Variants in NLRP5 observed in about 807,000 individuals in gnomAD.
NLRP5 encodes the protein NLR family pyrin domain containing 5, also known as NACHT, LRR and PYD domains-containing protein 5.
In NLRP5, 93 loss-of-function variants were observed where a neutral mutation model predicts 113.1. The observed-to-expected ratio is 0.82, with a 90% CI of 0.70 to 0.98. The LOEUF (loss-of-function observed/expected upper bound fraction) is 0.98, where lower values mean the gene tolerates loss of function less well. Ranked by LOEUF, NLRP5 falls within the 50% of genes least tolerant of loss-of-function variation. The pLI is 0.00. For missense variants in NLRP5, 1,808 were observed against 1,514.3 expected, an observed-to-expected ratio of 1.19 and a Z score of -3.22; for synonymous variants, 751 against 600.7, an observed-to-expected ratio of 1.25 and a Z score of -3.66.
intron 10 of NLRP5, among the ~76,000 whole-genome samples, chr19:56,038,738 G>A (rs905487994): frequency 6.6e-6 from 1 of 152,186 alleles, no homozygotes. Context: ...ACCCAGGCCT[G>A]TGTTGTTGTA....
chr19:56,052,872 C>T (rs1983982489), intron 12 of NLRP5, among the ~76,000 whole-genome samples: 1 of 152,222 alleles, frequency 6.6e-6, no homozygotes. Flanking sequence ...GTTTCTCCTC[C>T]TCCCCCGTGG....
At chr19:56,037,714 A>AAAAAATG (rs200215825) in intron 9 of NLRP5, among the ~76,000 whole-genome samples, 1 of 131,672 alleles carries the variant, frequency 7.6e-6, no homozygotes, top group Non-Finnish European at 1.6e-5. Context: ...AAAAAAAAAA[A>AAAAAATG]TGTTGGCTGG....
chr19:56,032,531 C>T (rs1475475574), intron 7 of NLRP5, 80 bp from the exon 8 acceptor site: 2 of 1,331,388 alleles, frequency 1.5e-6, no homozygotes, highest in African/African-American at 2.9e-5. Context: ...GAGCTCGGTC[C>T]CTCTCCTCCG....
rs147776319 is a variant in NLRP5 at position 56,005,625 on chromosome 19, TACAC to T, written c.442+1545_442+1548del. Among the ~76,000 whole-genome samples the T allele has an allele frequency of 1.7e-3, 240 of 139,212 alleles. 1 individual carries two copies. Among genetic ancestry groups the T allele is most frequent in the African/African-American group, 5.0e-3 (188 of 37,412 alleles). 91.3% of individuals were successfully genotyped at this position (139,212 alleles called of 152,430 possible). A position where few individuals can be genotyped will look rare whatever the true frequency, so the allele number is the denominator to read the frequency against. On this transcript the variant is annotated intron_variant, in intron 2 of 14. Coordinates refer to ENST00000390649, the MANE Select transcript of NLRP5 (RefSeq NM_153447.4). ...ATGCCTGTACACACATATATATTTA[TACAC>T]ACACACACACACACGCGCGCAGGTG...
At chr19:56,038,527 C>G (rs1292111299) in intron 10 of NLRP5, among the ~76,000 whole-genome samples, 1 of 152,142 alleles carries the variant, frequency 6.6e-6, no homozygotes, top group East Asian at 1.9e-4. Context: ...AATGCTTGGC[C>G]CCACCACTGG....
At chr19:56,005,034 C>T (rs1278578249) in intron 2 of NLRP5, among the ~76,000 whole-genome samples, 1 of 148,254 alleles carries the variant, frequency 6.7e-6, no homozygotes, top group Non-Finnish European at 1.5e-5. Context: ...GCAGAGGTTG[C>T]AGTGAGCCGA....
intron 9 of NLRP5, among the ~76,000 whole-genome samples, chr19:56,037,512 A>G (rs1010492998): frequency 3.3e-5 from 5 of 151,892 alleles, no homozygotes; most frequent in Middle Eastern, 3.2e-3. Flanking sequence ...GGCCAACATG[A>G]TGAAACCCCG....
chr19:55,997,856 C>CT (rs1289197629), upstream of NLRP5, among the ~76,000 whole-genome samples: 1 of 103,924 alleles, frequency 9.6e-6, no homozygotes, highest in African/African-American at 5.6e-5. Context: ...GAGCAACACT[C>CT]TATCTCAAAA....
At chr19:55,998,248 T>C (rs1981401997), upstream of NLRP5, among the ~76,000 whole-genome samples, 1 of 151,994 alleles carries the variant, frequency 6.6e-6, no homozygotes. Flanking sequence ...CCCAGCTACT[T>C]GGGGAGTCTG....
At chr19:56,021,598 C>T (rs746616072) in intron 6 of NLRP5, among the ~76,000 whole-genome samples, 1 of 152,166 alleles carries the variant, frequency 6.6e-6, no homozygotes, top group Non-Finnish European at 1.5e-5. Flanking sequence ...TGTGACTGGC[C>T]ATGTTTCACT....
At chr19:56,008,073 C>T (rs544692216) in intron 2 of NLRP5, among the ~76,000 whole-genome samples, 15 of 131,970 alleles carry the variant, frequency 1.1e-4, no homozygotes, top group Non-Finnish European at 2.0e-4. Context: ...GGACTACAGG[C>T]GCCCGCCACC....
Position 56,061,679 on chromosome 19 carries a change from G to T in NLRP5, c.*151G>T. The T allele has an allele frequency of 1.2e-6, 1 of 852,674 alleles. No individual in the cohort carries two copies. Among genetic ancestry groups the T allele is most frequent in the Non-Finnish European group, 1.9e-6 (1 of 536,438 alleles). The allele number at this position is 852,674 out of a possible 1,614,324, so 52.8% of individuals were successfully genotyped here. ...AGCCCTCAATGGTAGTGATTCTTCT[G>T]TGTTCACTCTACGTTGGTTACTGGA... is the stretch of plus-strand genomic sequence containing the variant. On this transcript the variant is annotated 3_prime_UTR_variant, in exon 15 of 15. Coordinates refer to ENST00000390649, the MANE Select transcript of NLRP5 (RefSeq NM_153447.4).
intron 14 of NLRP5, among the ~76,000 whole-genome samples, chr19:56,060,167 G>GTGGTGAC (rs1477907205): frequency 2.6e-5 from 4 of 152,256 alleles, no homozygotes; most frequent in African/African-American, 9.6e-5. Flanking sequence ...GACAAGATCA[G>GTGGTGAC]TGGTGACTAT....
chr19:56,020,305 A>G, intron 5 of NLRP5, 70 bp from the exon 6 acceptor site: 1 of 1,580,140 alleles, frequency 6.3e-7, no homozygotes, highest in Non-Finnish European at 8.7e-7. Flanking sequence ...GACTAAGCTT[A>G]TCTTGGGGGT....
rs748364944 is a variant in NLRP5, at chr19:56,061,615, TC to T, written c.*89del. 49 of 1,405,916 alleles carry T rather than the reference TC, an allele frequency of 3.5e-5. No homozygotes were observed. The highest frequency in any genetic ancestry group is 4.6e-5 in the Non-Finnish European group (46 of 1,006,506). 87.1% of individuals were successfully genotyped at this position (1,405,916 alleles called of 1,614,324 possible). ...CAGAGCAAGCTATGCACCTGGGAGT[TC>T]CTTCTCAAAGATGGAGAATGATTTC... On this transcript the variant is annotated 3_prime_UTR_variant, in exon 15 of 15. Transcript: ENST00000390649.
chr19:56,057,942 G>A lies in NLRP5; in HGVS notation c.3300-298G>A, dbSNP rs184332391. On this transcript the variant is annotated intron_variant, in intron 13 of 14. Transcript: ENST00000390649. ...CTCCGGAGGCTAAGGCAGGAGTATC[G>A]CTTGAATCCCAGAGGTAGAAGGTTG... Among the ~76,000 whole-genome samples, 615 of 151,200 alleles carry A rather than the reference G, an allele frequency of 4.1e-3. 1 individual carries two copies. The highest frequency in any genetic ancestry group is 6.0e-3 in the Non-Finnish European group (410 of 67,890).
chr19:56,051,350 T>G (rs2637112), intron 12 of NLRP5, among the ~76,000 whole-genome samples: 67,378 of 151,888 alleles, frequency 0.44, 15,469 homozygotes, highest in Middle Eastern at 0.56. Context: ...GTGCCACCAG[T>G]CCCGGCTAAT....
rs766782131 is a variant in NLRP5, at chr19:56,058,299, G to A, written c.3359G>A (p.Cys1120Tyr). Residue 1120 changes from cysteine (C) to tyrosine (Y), a missense_variant, in exon 14 of 15, where the codon TGC becomes TAC. Coordinates refer to ENST00000390649, the MANE Select transcript of NLRP5 (RefSeq NM_153447.4). ...GAGGCACTCTCCTTGGCCCTTTCCTGCAACCGGCATCTGACCAGTCTAAAC... is the reference window on the plus strand; with the variant it reads ...GAGGCACTCTCCTTGGCCCTTTCCTACAACCGGCATCTGACCAGTCTAAAC... 1 of 1,613,928 alleles carries A rather than the reference G, an allele frequency of 6.2e-7. No homozygotes were observed. Among genetic ancestry groups the A allele is most frequent in the East Asian group, 2.2e-5 (1 of 44,870 alleles).
At chr19:56,029,924 GCACA>G (rs1983028656) in intron 7 of NLRP5, among the ~76,000 whole-genome samples, 1 of 150,918 alleles carries the variant, frequency 6.6e-6, no homozygotes, top group East Asian at 2.0e-4. Context: ...GCATGGTGGC[GCACA>G]CCTGTAATCC....
Sources: gnomAD v4.1 joint callset for allele counts (sites outside exome capture counted in the v4.1 genomes callset) on GRCh38, gnomAD v4.1.1 for gene constraint, MANE v1.5 for transcripts, NCBI Gene and HGNC (gene_info 2026-07-23, HGNC 2026-07-21) for gene names.